Variants in FANK1 observed in about 807,000 individuals in gnomAD.
FANK1 encodes the protein fibronectin type 3 and ankyrin repeat domains protein 1.
A neutral mutation model predicts 45.3 loss-of-function variants in FANK1; 44 were observed. That is an observed-to-expected ratio of 0.97 (90% CI 0.76 to 1.25). The LOEUF (loss-of-function observed/expected upper bound fraction) is 1.25. Among genes scored for constraint, FANK1 ranks in the 50% most tolerant of loss-of-function variants. The pLI is 0.00. For missense variants in FANK1, 391 were observed against 424.4 expected, an observed-to-expected ratio of 0.92 and a Z score of 0.69; for synonymous variants, 149 against 152.5, an observed-to-expected ratio of 0.98 and a Z score of 0.17.
At chr10:126,000,981 A>G (rs1952716576) in intron 6 of FANK1, among the ~76,000 whole-genome samples, 1 of 152,070 alleles carries the variant, frequency 6.6e-6, no homozygotes, top group Non-Finnish European at 1.5e-5. Flanking sequence ...AAAAATAATC[A>G]TGTTGGTAAA....
intron 1 of FANK1, among the ~76,000 whole-genome samples, chr10:125,916,195 G>A (rs1259496458): frequency 2.6e-5 from 4 of 151,984 alleles, no homozygotes; most frequent in African/African-American, 7.2e-5. Context: ...ATGCCACCAC[G>A]CCCAGCTAAT....
At chr10:125,919,195 A>ATTTTTTTTTT (rs142716284) in intron 1 of FANK1, among the ~76,000 whole-genome samples, 626 of 51,874 alleles carry the variant, frequency 0.012, 97 homozygotes, top group African/African-American at 0.031. Flanking sequence ...GGAGGTAAGA[A>ATTTTTTTTTT]TTTTTTTTTT....
At chr10:126,006,941 G>A (rs1953262041) in intron 7 of FANK1, among the ~76,000 whole-genome samples, 1 of 152,128 alleles carries the variant, frequency 6.6e-6, no homozygotes, top group Non-Finnish European at 1.5e-5. Context: ...AGGCTCTCTG[G>A]GCTTCAGATA....
At chr10:125,943,061 T>C (rs1948557090) in intron 1 of FANK1, among the ~76,000 whole-genome samples, 1 of 152,064 alleles carries the variant, frequency 6.6e-6, no homozygotes, top group Non-Finnish European at 1.5e-5. Flanking sequence ...ATCTGCCCAC[T>C]GCGGCTTCCC....
intron 1 of FANK1, among the ~76,000 whole-genome samples, chr10:125,946,094 G>A (rs535656757): frequency 2.2e-4 from 34 of 152,154 alleles, no homozygotes; most frequent in South Asian, 8.3e-4. Context: ...CATCCACATC[G>A]AAAACCCATC....
rs111989023 is a variant in FANK1, at chr10:125,914,363, A to G, written c.13+17708A>G. On this transcript the variant is annotated intron_variant, in intron 1 of 10. Transcript: ENST00000368693. ...AGCCTCAGGTAGTGTAAGCTTCATGAGGACAGGAACCAGCCCTGCCTGCTC... is the reference window on the plus strand; with the variant it reads ...AGCCTCAGGTAGTGTAAGCTTCATGGGGACAGGAACCAGCCCTGCCTGCTC... Among the ~76,000 whole-genome samples the G allele has an allele frequency of 3.9e-3, 586 of 151,684 alleles. 1 individual carries two copies. The highest frequency in any genetic ancestry group is 0.024 in the Middle Eastern group (7 of 294).
chr10:125,900,652 G>T (rs537200480), intron 1 of FANK1, among the ~76,000 whole-genome samples: 376 of 150,668 alleles, frequency 2.5e-3, no homozygotes, highest in African/African-American at 9.0e-3. Flanking sequence ...TTTGTTTGTT[G>T]TTTGTTTTTT....
chr10:125,978,976 C>T (rs1230269692), intron 1 of FANK1, among the ~76,000 whole-genome samples: 1 of 152,238 alleles, frequency 6.6e-6, no homozygotes, highest in Non-Finnish European at 1.5e-5. Context: ...GCCTGAGCGG[C>T]TGCTCTGCCA....
At chr10:125,904,368 C>T (rs1030852214) in intron 1 of FANK1, among the ~76,000 whole-genome samples, 43 of 152,224 alleles carry the variant, frequency 2.8e-4, no homozygotes, top group African/African-American at 1.0e-3. Flanking sequence ...CAAAAACAAT[C>T]CCAAGTTCCT....
intron 2 of FANK1, among the ~76,000 whole-genome samples, chr10:125,986,697 T>G (rs183056984): frequency 6.6e-6 from 1 of 152,316 alleles, no homozygotes; most frequent in African/African-American, 2.4e-5. Context: ...CATTTCTCAC[T>G]TGACATCAGA....
chr10:125,993,805 G>A (rs1392736461), intron 3 of FANK1, among the ~76,000 whole-genome samples: 1 of 152,210 alleles, frequency 6.6e-6, no homozygotes, highest in East Asian at 1.9e-4. Flanking sequence ...AAAAAAGTCT[G>A]TAAGAGATTG....
intron 1 of FANK1, among the ~76,000 whole-genome samples, chr10:125,933,984 T>TTAGA (rs1166315485): frequency 6.6e-6 from 1 of 152,218 alleles, no homozygotes; most frequent in African/African-American, 2.4e-5. Flanking sequence ...TATTCCACTG[T>TTAGA]TATCTGAGAG....
intron 1 of FANK1, among the ~76,000 whole-genome samples, chr10:125,940,869 A>G (rs1397529275): frequency 6.6e-6 from 1 of 152,242 alleles, no homozygotes; most frequent in African/African-American, 2.4e-5. Flanking sequence ...CATATTGTTA[A>G]CAAGGCACAT....
chr10:125,907,197 C>T (rs1945595670), intron 1 of FANK1, among the ~76,000 whole-genome samples: 1 of 152,178 alleles, frequency 6.6e-6, no homozygotes, highest in African/African-American at 2.4e-5. Flanking sequence ...TTGTGATAGG[C>T]TTGCTTATAG....
chr10:125,896,890 G>C (rs1944575443), intron 1 of FANK1, among the ~76,000 whole-genome samples: 1 of 152,182 alleles, frequency 6.6e-6, no homozygotes, highest in Non-Finnish European at 1.5e-5. Context: ...GGGGCTGGGA[G>C]CGACTGGAGA....
intron 1 of FANK1, among the ~76,000 whole-genome samples, chr10:125,940,913 CCA>C (rs1316663695): frequency 6.6e-6 from 1 of 152,212 alleles, no homozygotes; most frequent in East Asian, 1.9e-4. Flanking sequence ...AACCTTGATT[CCA>C]CACAACACAT....
chr10:125,938,362 C>T lies in FANK1; in HGVS notation c.13+41707C>T, dbSNP rs551181625. On this transcript the variant is annotated intron_variant, in intron 1 of 10. Coordinates refer to ENST00000368693, the MANE Select transcript of FANK1 (RefSeq NM_145235.5). Reference sequence around the variant, plus strand: ...TGATTGCCCAGTAGGAATGAGCACACAGTGTGAGACCTCAGTTGCTAAATA... The same window carrying T: ...TGATTGCCCAGTAGGAATGAGCACATAGTGTGAGACCTCAGTTGCTAAATA... Among the ~76,000 whole-genome samples, 4 of 152,262 alleles carry T rather than the reference C, an allele frequency of 2.6e-5. No homozygotes were observed. The South Asian group carries it at 6.2e-4, about 24-fold the overall frequency.
chr10:125,978,006 G>T (rs576516952), intron 1 of FANK1, among the ~76,000 whole-genome samples: 3 of 152,308 alleles, frequency 2.0e-5, no homozygotes, highest in Admixed American at 6.5e-5. Context: ...TCTGGCGGGG[G>T]TGGCTGGAGG....
intron 1 of FANK1, among the ~76,000 whole-genome samples, chr10:125,942,196 C>T (rs1313663010): frequency 1.8e-4 from 27 of 152,178 alleles, no homozygotes; most frequent in Admixed American, 1.7e-3. Flanking sequence ...ATTTCATGGG[C>T]AGTGTGCAAG....
Sources: gnomAD v4.1 joint callset for allele counts (sites outside exome capture counted in the v4.1 genomes callset) on GRCh38, gnomAD v4.1.1 for gene constraint, MANE v1.5 for transcripts, NCBI Gene and HGNC (gene_info 2026-07-23, HGNC 2026-07-21) for gene names.